Variants in MCM8 observed in about 807,000 individuals in gnomAD.
The protein encoded by MCM8 is DNA helicase MCM8.
In MCM8, 85 loss-of-function variants were observed where a neutral mutation model predicts 98.9. The observed-to-expected ratio is 0.86, with a 90% CI of 0.72 to 1.03. The LOEUF (loss-of-function observed/expected upper bound fraction) is 1.03, where lower values mean the gene tolerates loss of function less well. Among genes scored for constraint, MCM8 ranks in the 50% least tolerant of loss-of-function variants. MCM8 has a pLI of 0.00. For missense variants in MCM8, 951 were observed against 997.8 expected (o/e 0.95, Z 0.63); for synonymous variants, 352 against 338.6 (o/e 1.04, Z -0.44).
At chr20:5,968,070 G>A in intron 10 of MCM8, 45 bp downstream of exon 10, 1 of 1,537,064 alleles carries the variant, frequency 6.5e-7, no homozygotes, top group Non-Finnish European at 8.8e-7. Context: ...GATGCATGTT[G>A]GGGGTTCTCT....
rs78230568 is a variant in MCM8, at chr20:5,971,976, T to C, written c.1224-31T>C. ...CCTAATGGATCAATGAAGTATAAAT[T>C]AGAATTTATAAGTTGTGTTCTGTTT... On this transcript the variant is annotated intron_variant, in intron 10 of 18. Transcript: ENST00000610722. 2.4e-3 allele frequency: 3,917 copies of C among 1,602,562 alleles called. 96 individuals are homozygous for C. The African/African-American group carries it at 0.046, about 19-fold the overall frequency.
intron 15 of MCM8, 81 bp from the exon 16 acceptor site, chr20:5,985,841 T>C: frequency 6.9e-7 from 1 of 1,440,374 alleles, no homozygotes; most frequent in Non-Finnish European, 9.7e-7. Flanking sequence ...CCACTGCACC[T>C]GGCCTAAACA....
Position 5,994,378 on chromosome 20 carries a change from T to C in MCM8, c.2510T>C (p.Leu837Pro), listed in dbSNP as rs776301768. 1.3e-6 allele frequency: 2 copies of C among 1,589,260 alleles called. No homozygotes were observed. The highest frequency in any genetic ancestry group is 1.1e-5 in the South Asian group (1 of 90,062). ...AAAAAAGGCCCAAAAGTTTACCAGC[T>C]TCAAACTATGTAAAAGGACTTCACC... ...LLKKGPKVYQ[L>P]QTM is the part of the protein sequence containing the mutation. The change falls in exon 19 of 19, where the codon CTT becomes CCT. Residue 837 changes from leucine (L) to proline (P), a missense_variant. Leu to Pro is a moderately conservative substitution (Grantham distance 98). Coordinates refer to ENST00000610722, the MANE Select transcript of MCM8 (RefSeq NM_032485.6).
chr20:5,976,411 C>T (rs565886903), intron 12 of MCM8, among the ~76,000 whole-genome samples: 1 of 152,256 alleles, frequency 6.6e-6, no homozygotes, highest in East Asian at 1.9e-4. Context: ...GACCCAGAGA[C>T]AGCTCACGCC....
Position 5,960,922 on chromosome 20 carries a change from C to T in MCM8, c.789+2196C>T, listed in dbSNP as rs1221916895. On this transcript the variant is annotated intron_variant, in intron 7 of 18. Coordinates refer to ENST00000610722, the MANE Select transcript of MCM8 (RefSeq NM_032485.6). ...TGCACTCCAGCTTGGGCAGTAAGAG[C>T]GAAACTCCGCCTCAAAAAATACATA... 3.9e-5 allele frequency among the ~76,000 whole-genome samples: 6 copies of T among 152,120 alleles called. No individual in the cohort carries two copies. In the East Asian group the frequency reaches 5.8e-4, roughly 15 times the overall value.
intron 7 of MCM8, among the ~76,000 whole-genome samples, chr20:5,959,690 CTTTTTTTTTTTTTTT>C (rs61232248): frequency 1.5e-5 from 1 of 65,198 alleles, no homozygotes; most frequent in Admixed American, 2.2e-4. Flanking sequence ...GTAGGCTGTA[CTTTTTTTTTTTTTTT>C]TTTTTTTTTT....
At chr20:5,988,020 G>GA (rs892793113) in intron 17 of MCM8, among the ~76,000 whole-genome samples, 1 of 152,090 alleles carries the variant, frequency 6.6e-6, no homozygotes, top group African/African-American at 2.4e-5. Context: ...CTAGAAGGTA[G>GA]AAAAGAAAAA....
chr20:5,972,654 A>G, intron 11 of MCM8: 1 of 821,028 alleles, frequency 1.2e-6, no homozygotes, highest in East Asian at 6.3e-5. Flanking sequence ...TCCCAAGTTC[A>G]AACAGTTCTC....
chr20:5,992,891 TA>T (rs1169790646), intron 17 of MCM8, among the ~76,000 whole-genome samples: 1 of 152,192 alleles, frequency 6.6e-6, no homozygotes, highest in African/African-American at 2.4e-5. Context: ...AGAGTTGGAT[TA>T]AACAGGATGG....
intron 15 of MCM8, among the ~76,000 whole-genome samples, chr20:5,985,281 T>C (rs1156628490): frequency 6.6e-6 from 1 of 151,686 alleles, no homozygotes; most frequent in Admixed American, 6.6e-5. Context: ...CCATCTCTAC[T>C]AAAAATACAA....
chr20:5,958,530 T>C lies in MCM8; in HGVS notation c.593T>C (p.Val198Ala). 6.2e-7 allele frequency: 1 copy of C among 1,613,498 alleles called. No individual in the cohort carries two copies. Among genetic ancestry groups the C allele is most frequent in the African/African-American group, 1.3e-5 (1 of 75,020 alleles). ...ATTACTTCCTGTTTTGTCTTTAGGG[T>C]GTACAACTATGAGCCTTTGACACAG... is the stretch of plus-strand genomic sequence containing the variant. Reference protein sequence around the residue: ...MVNVPHIHARVYNYEPLTQLK... With the variant: ...MVNVPHIHARAYNYEPLTQLK... Residue 198 changes from valine to alanine, a missense_variant and splice_region_variant, in exon 7 of 19, where the codon GTG becomes GCG. Transcript: ENST00000610722.
intron 3 of MCM8, among the ~76,000 whole-genome samples, chr20:5,952,812 C>T (rs2088868856): frequency 1.3e-5 from 2 of 152,178 alleles, no homozygotes; most frequent in Admixed American, 1.3e-4. Flanking sequence ...TGAGGTAACT[C>T]CCCAGAAAGT....
intron 13 of MCM8, among the ~76,000 whole-genome samples, chr20:5,980,289 A>G (rs1313129155): frequency 6.6e-6 from 1 of 152,022 alleles, no homozygotes; most frequent in African/African-American, 2.4e-5. Flanking sequence ...TGGACCCCCT[A>G]TTGGCTGAGT....
intron 13 of MCM8, among the ~76,000 whole-genome samples, chr20:5,978,487 T>G (rs954617959): frequency 2.0e-5 from 3 of 152,214 alleles, no homozygotes; most frequent in African/African-American, 7.2e-5. Flanking sequence ...TTTGGAAACC[T>G]TGGCACTGAC....
chr20:5,985,912 C>T lies in MCM8; in HGVS notation c.1954-10C>T. 1 of 1,613,228 alleles carries T rather than the reference C, an allele frequency of 6.2e-7. No homozygotes were observed. Among genetic ancestry groups the T allele is most frequent in the Non-Finnish European group, 8.5e-7 (1 of 1,179,294 alleles). On this transcript the variant is annotated splice_polypyrimidine_tract_variant and intron_variant, in intron 15 of 18. Transcript: ENST00000610722. The stretch of plus-strand genomic sequence containing the variant: ...TCCTTGTTATCTTGGGCCTTTTAAT[C>T]ATGCTTCAGGTGGTTCCTGGAGAAA...
At chr20:5,959,414 G>GT (rs1297110699) in intron 7 of MCM8, among the ~76,000 whole-genome samples, 3 of 152,134 alleles carry the variant, frequency 2.0e-5, no homozygotes, top group Non-Finnish European at 4.4e-5. Context: ...TGTAGAGTTA[G>GT]TTTTTTGTAT....
At position 5,952,052 on chromosome 20, in the gene MCM8, G is replaced by A. The variant is rs970916514; in HGVS notation, c.37G>A (p.Gly13Arg). The A allele has an allele frequency of 1.9e-6, 3 of 1,613,900 alleles. No individual in the cohort carries two copies. The African/African-American group carries it at 4.0e-5, about 22-fold the overall frequency. ...GTATAGAGGCAGAGGATTTGGACGA[G>A]GAAGATTTCAAAGCTGGAAAAGGGG... ...GEYRGRGFGR[G>R]RFQSWKRGRG... is the part of the protein sequence containing the mutation. The change falls in exon 2 of 19, where the codon GGA becomes AGA. Residue 13 changes from glycine (G) to arginine (R), a missense_variant. Physicochemically the swap from Gly to Arg is moderately radical, Grantham distance 125. Transcript: ENST00000610722.
chr20:5,961,958 A>AATCATTTTATT (rs1211718542), intron 7 of MCM8, among the ~76,000 whole-genome samples: 2 of 152,206 alleles, frequency 1.3e-5, no homozygotes, highest in African/African-American at 4.8e-5. Flanking sequence ...AAATAAAGCC[A>AATCATTTTATT]ATCATTTTAT....
chr20:5,991,555 A>C (rs1568601511), intron 17 of MCM8: 1 of 152,228 alleles, frequency 6.6e-6, no homozygotes, highest in Non-Finnish European at 1.5e-5. Context: ...CAGTATGTTT[A>C]CTGGCATTCA....
Sources: gnomAD v4.1 joint callset for allele counts (sites outside exome capture counted in the v4.1 genomes callset) on GRCh38, gnomAD v4.1.1 for gene constraint, MANE v1.5 for transcripts, NCBI Gene and HGNC (gene_info 2026-07-23, HGNC 2026-07-21) for gene names.